NEURL2: variants seen among roughly 807,000 people sequenced by gnomAD.
The protein encoded by NEURL2 is neuralized-like protein 2.
In NEURL2, 16 loss-of-function variants were observed where a neutral mutation model predicts 15.9. The ratio of observed to expected loss-of-function variants is 1.01; its 90% CI spans 0.68 to 1.53. The LOEUF (loss-of-function observed/expected upper bound fraction) is 1.53. Ranked by LOEUF, NEURL2 falls within the 40% of genes most tolerant of loss-of-function variation. The pLI is 0.00. For missense variants in NEURL2, 393 were observed against 407.8 expected (o/e 0.96, Z 0.31); for synonymous variants, 188 against 178.3 (o/e 1.05, Z -0.43).
intron 1 of NEURL2, 177 bp downstream of exon 1, chr20:45,890,073 C>T: frequency 1.5e-6 from 1 of 667,722 alleles, no homozygotes; most frequent in Non-Finnish European, 2.5e-6. Context: ...GGTACCAAGG[C>T]CCAAAACCAT....
chr20:45,890,558 G>A lies in NEURL2; in HGVS notation c.434C>T (p.Pro145Leu). ...GCGAAACTGCTCAATGCGCAGATAT[G>A]GTTCCACGAGGAGGGTTGGAGGTCG... ...PSRPPTLLVE[P>L]YLRIEQFRIP... Residue 145 changes from proline (P) to leucine (L), a missense_variant, in exon 1 of 2, where the codon CCA becomes CTA. Physicochemically the swap from Pro to Leu is moderately conservative, Grantham distance 98. Coordinates refer to ENST00000372518, the MANE Select transcript of NEURL2 (RefSeq NM_080749.4). 2 of 1,611,722 alleles carry A rather than the reference G, an allele frequency of 1.2e-6. No homozygotes were observed. Among genetic ancestry groups the A allele is most frequent in the Non-Finnish European group, 1.7e-6 (2 of 1,179,050 alleles).
In NEURL2 at chr20:45,890,163, C is replaced by T; in HGVS notation, c.742+87G>A. 9 of 1,462,874 alleles carry T rather than the reference C, an allele frequency of 6.2e-6. No homozygotes were observed. In the South Asian group the frequency reaches 9.2e-5, roughly 15 times the overall value. 90.6% of individuals were successfully genotyped at this position (1,462,874 alleles called of 1,614,324 possible). ...CACTCTTAAACTAGTGCCGGACAGA[C>T]GAAGGCCTAGCACATGGGCTACGGA... On this transcript the variant is annotated intron_variant, in intron 1 of 1. Transcript: ENST00000372518.
At position 45,890,447 on chromosome 20, in the gene NEURL2, G is replaced by A; in HGVS notation, c.545C>T (p.Pro182Leu). ...CAGGCGGCTACGGCGCGCGGTCGGA[G>A]GCAGCACGTTCAGCTCATAGAGCTG... is the stretch of plus-strand genomic sequence containing the variant. ...LDQLYELNVL[P>L]PTARRSRLGV... Residue 182 changes from proline to leucine, a missense_variant, in exon 1 of 2, where the codon CCT (proline) becomes CTT (leucine). Transcript: ENST00000372518. 3 of 1,608,284 alleles carry A rather than the reference G, an allele frequency of 1.9e-6. No individual in the cohort carries two copies. The South Asian group carries it at 3.3e-5, about 18-fold the overall frequency.
Position 45,890,978 on chromosome 20 carries a change from G to T in NEURL2, c.14C>A (p.Ser5Tyr). ...GAGTGCACCCGAATCCACGGGCTCG[G>T]AGGCAGCAGCCATCTCTCGGCCATA... MAAA[S>Y]EPVDSGALWG... Residue 5 changes from serine (S) to tyrosine (Y), a missense_variant, in exon 1 of 2, where the codon TCC becomes TAC. Ser to Tyr is a moderately radical substitution (Grantham distance 144). Coordinates refer to ENST00000372518, the MANE Select transcript of NEURL2 (RefSeq NM_080749.4). The T allele has an allele frequency of 6.7e-7, 1 of 1,491,982 alleles. No individual in the cohort carries two copies. Among genetic ancestry groups the T allele is most frequent in the African/African-American group, 1.4e-5 (1 of 71,714 alleles). 92.4% of individuals were successfully genotyped at this position (1,491,982 alleles called of 1,614,324 possible).
Position 45,888,647 on chromosome 20 carries a change from A to G in NEURL2, c.*111T>C. On this transcript the variant is annotated 3_prime_UTR_variant, in exon 2 of 2. Transcript: ENST00000372518. ...ACCTTCCAGTGATCAAGATGTCAGC[A>G]TCGGCTGTTTATTTCTGGTCTTGGC... is the stretch of plus-strand genomic sequence containing the variant. 1 of 986,754 alleles carries G rather than the reference A, an allele frequency of 1.0e-6. No homozygotes were observed. The highest frequency in any genetic ancestry group is 1.5e-6 in the Non-Finnish European group (1 of 651,924). The allele number at this position is 986,754 out of a possible 1,614,324, so 61.1% of individuals were successfully genotyped here.
Position 45,890,799 on chromosome 20 carries a change from C to G in NEURL2, c.193G>C (p.Val65Leu). Residue 65 changes from valine (V) to leucine (L), a missense_variant, in exon 1 of 2, where the codon GTC (valine) becomes CTC (leucine). By Grantham distance (32) the Val-to-Leu change is conservative. Transcript: ENST00000372518. The part of the protein sequence containing the change: ...FSREPLAPGQ[V>L]FLVEIEEKEL... ...TTCTCCTCGATCTCGACCAGGAAGACCTGGCCCGGGGCCAGCGGCTCGCGG... is the reference window on the plus strand; with the variant it reads ...TTCTCCTCGATCTCGACCAGGAAGAGCTGGCCCGGGGCCAGCGGCTCGCGG... 6.3e-7 allele frequency: 1 copy of G among 1,598,826 alleles called. No homozygotes were observed. Among genetic ancestry groups the G allele is most frequent in the Admixed American group, 1.7e-5 (1 of 58,464 alleles).
In NEURL2 at chr20:45,888,734, T is replaced by A. The variant is rs1217286613; in HGVS notation, c.*24A>T. On this transcript the variant is annotated 3_prime_UTR_variant, in exon 2 of 2. Transcript: ENST00000372518. ...CAGGTCTGGGGCTCCAGGATGCAGC[T>A]GTGCTCTGGTGCACTGTGGGTCTTC... 4.3e-6 allele frequency: 7 copies of A among 1,613,082 alleles called. No homozygotes were observed. Among genetic ancestry groups the A allele is most frequent in the Non-Finnish European group, 5.9e-6 (7 of 1,179,604 alleles).
rs767130841 is a variant in NEURL2 at position 45,890,972 on chromosome 20, G to A, written c.20C>T (p.Pro7Leu). ...TCCCCAGAGTGCACCCGAATCCACG[G>A]GCTCGGAGGCAGCAGCCATCTCTCG... Reference protein sequence around the residue: MAAASEPVDSGALWGLE... With the variant: MAAASELVDSGALWGLE... The change falls in exon 1 of 2, where the codon CCC becomes CTC. Residue 7 changes from proline (P) to leucine (L), a missense_variant. Pro to Leu is a moderately conservative substitution (Grantham distance 98, BLOSUM62 -3). Transcript: ENST00000372518. 2 of 1,493,674 alleles carry A rather than the reference G, an allele frequency of 1.3e-6. No homozygotes were observed. The highest frequency in any genetic ancestry group is 1.8e-6 in the Non-Finnish European group (2 of 1,121,446). The allele number at this position is 1,493,674 out of a possible 1,614,324, so 92.5% of individuals were successfully genotyped here.
chr20:45,891,035 G>A lies in NEURL2; in HGVS notation c.-44C>T, dbSNP rs2145811493. On this transcript the variant is annotated 5_prime_UTR_variant, in exon 1 of 2. It introduces an in-frame stop codon into an upstream open reading frame of the 5' UTR. Transcript: ENST00000372518. The surrounding 1 kb of genome is among the most constrained non-coding windows in gnomAD (Gnocchi z 4.6). ...GCCAGCTGGCGCCGGGGGCTATTTT[G>A]GGCGGCGGGCAATGATGGTGACCGC... The A allele has an allele frequency of 6.9e-7, 1 of 1,451,028 alleles. No homozygotes were observed. Among genetic ancestry groups the A allele is most frequent in the African/African-American group, 1.4e-5 (1 of 70,448 alleles). 89.9% of individuals were successfully genotyped at this position (1,451,028 alleles called of 1,614,324 possible). A position where few individuals can be genotyped will look rare whatever the true frequency, so the allele number is the denominator to read the frequency against.
At position 45,890,633 on chromosome 20, in the gene NEURL2, T is replaced by A. The variant is rs756546707; in HGVS notation, c.359A>T (p.Asn120Ile). ...TWVFAITRHH[N>I]RVPREGRPEA... is the part of the protein sequence containing the mutation. ...CGGGCGGCCCTCCCGGGGCACGCGG[T>A]TGTGGTGGCGCGTGATGGCGAAGAC... Residue 120 changes from asparagine (N) to isoleucine (I), a missense_variant, in exon 1 of 2, where the codon AAC becomes ATC. Transcript: ENST00000372518. The A allele has an allele frequency of 3.1e-6, 5 of 1,612,592 alleles. No individual in the cohort carries two copies. The South Asian group carries it at 5.5e-5, about 18-fold the overall frequency.
rs201147104 is a variant in NEURL2, at chr20:45,890,241, G to A, written c.742+9C>T. The stretch of plus-strand genomic sequence containing the variant: ...GAGCCAGGAGGGGTCGCTGCCCAGG[G>A]ATACCTACAGCCATACTCGAGCTGG... On this transcript the variant is annotated intron_variant, in intron 1 of 1. Coordinates refer to ENST00000372518, the MANE Select transcript of NEURL2 (RefSeq NM_080749.4). The A allele has an allele frequency of 3.9e-4, 629 of 1,613,836 alleles. 4 individuals carry two copies. The highest frequency in any genetic ancestry group is 1.2e-4 in the Non-Finnish European group (140 of 1,180,040).
chr20:45,889,300 C>T (rs1431467250), intron 1 of NEURL2, among the ~76,000 whole-genome samples: 2 of 152,108 alleles, frequency 1.3e-5, no homozygotes, highest in Non-Finnish European at 2.9e-5. Flanking sequence ...GTTTGTTATG[C>T]CTCGAAGCCA....
intron 1 of NEURL2, 87 bp downstream of exon 1, chr20:45,890,163 C>G (rs1601133922): frequency 3.4e-6 from 5 of 1,462,876 alleles, no homozygotes; most frequent in Non-Finnish European, 4.8e-6. Flanking sequence ...GCCGGACAGA[C>G]GAAGGCCTAG....
In NEURL2 at chr20:45,888,714, C is replaced by T. The variant is rs1470303913; in HGVS notation, c.*44G>A. ...AACTTCGGACCAGCCAGCCACAGGT[C>T]TGGGGCTCCAGGATGCAGCTGTGCT... On this transcript the variant is annotated 3_prime_UTR_variant, in exon 2 of 2. Coordinates refer to ENST00000372518, the MANE Select transcript of NEURL2 (RefSeq NM_080749.4). 1 of 1,605,484 alleles carries T rather than the reference C, an allele frequency of 6.2e-7. No individual in the cohort carries two copies.
chr20:45,888,709 C>T lies in NEURL2; in HGVS notation c.*49G>A, dbSNP rs187957211. 2.0e-5 allele frequency: 32 copies of T among 1,595,768 alleles called. No homozygotes were observed. In the African/African-American group the frequency reaches 3.7e-4, roughly 19 times the overall value. ...TGGCCAACTTCGGACCAGCCAGCCA[C>T]AGGTCTGGGGCTCCAGGATGCAGCT... On this transcript the variant is annotated 3_prime_UTR_variant, in exon 2 of 2. Transcript: ENST00000372518.
chr20:45,888,746 C>T lies in NEURL2; in HGVS notation c.*12G>A. 6.2e-7 allele frequency: 1 copy of T among 1,613,582 alleles called. No homozygotes were observed. Among genetic ancestry groups the T allele is most frequent in the Non-Finnish European group, 8.5e-7 (1 of 1,179,904 alleles). ...TCCAGGATGCAGCTGTGCTCTGGTGCACTGTGGGTCTTCACTCATACTTGC... is the reference window on the plus strand; with the variant it reads ...TCCAGGATGCAGCTGTGCTCTGGTGTACTGTGGGTCTTCACTCATACTTGC... On this transcript the variant is annotated 3_prime_UTR_variant, in exon 2 of 2. Coordinates refer to ENST00000372518, the MANE Select transcript of NEURL2 (RefSeq NM_080749.4).
rs1477880238 is a variant in NEURL2 at position 45,888,761 on chromosome 20, C to T, written c.855G>A (p.Glu285=). Residue 285 remains glutamate (E), a synonymous_variant, in exon 2 of 2, where the codon GAG becomes GAA. Coordinates refer to ENST00000372518, the MANE Select transcript of NEURL2 (RefSeq NM_080749.4). The part of the protein sequence containing the change: ...PKELKDFCKY[E] ...TGCTCTGGTGCACTGTGGGTCTTCA[C>T]TCATACTTGCAGAAATCCTTAAGTT... 4 of 1,614,060 alleles carry T rather than the reference C, an allele frequency of 2.5e-6. No homozygotes were observed. The South Asian group carries it at 3.3e-5, about 13-fold the overall frequency.
At position 45,890,593 on chromosome 20, in the gene NEURL2, C is replaced by T. The variant is rs765561816; in HGVS notation, c.399G>A (p.Ala133=). The change falls in exon 1 of 2, where the codon GCG becomes GCA. Residue 133 remains alanine, a synonymous_variant. Transcript: ENST00000372518. ...GGAGGGTTGGAGGTCGGCTGGGGGC[C>T]GCTGCCTCCGCCTCCGGGCGGCCCT... is the stretch of plus-strand genomic sequence containing the variant. The part of the protein sequence containing the change: ...PREGRPEAEA[A]APSRPPTLLV... The T allele has an allele frequency of 1.2e-5, 19 of 1,612,232 alleles. 1 individual carries two copies. The highest frequency in any genetic ancestry group is 1.6e-5 in the Non-Finnish European group (19 of 1,179,388).
rs1481550218 is a variant in NEURL2 at position 45,890,309 on chromosome 20, G to A, written c.683C>T (p.Ala228Val). The A allele has an allele frequency of 1.2e-6, 2 of 1,613,364 alleles. No individual in the cohort carries two copies. Among genetic ancestry groups the A allele is most frequent in the East Asian group, 4.5e-5 (2 of 44,876 alleles). ...TGTGGAAGCAAACACGTCCACCACCGCGTAGAGGGGCTGCGCAGCTGGCAG... is the reference window on the plus strand; with the variant it reads ...TGTGGAAGCAAACACGTCCACCACCACGTAGAGGGGCTGCGCAGCTGGCAG... ...RGLPAAQPLYAVVDVFASTKS... is the reference protein window; with the variant it reads ...RGLPAAQPLYVVVDVFASTKS... The change falls in exon 1 of 2, where the codon GCG becomes GTG. Residue 228 changes from alanine (A) to valine (V), a missense_variant. Physicochemically the swap from Ala to Val is moderately conservative, Grantham distance 64. Transcript: ENST00000372518.
Sources: gnomAD v4.1 joint callset for allele counts (sites outside exome capture counted in the v4.1 genomes callset) on GRCh38, gnomAD v4.1.1 for gene constraint, Gnocchi (gnomAD v3.1) non-coding constraint, MANE v1.5 for transcripts, NCBI Gene and HGNC (gene_info 2026-07-23, HGNC 2026-07-21) for gene names.